Variants in PDILT observed in about 807,000 individuals in gnomAD.
PDILT encodes protein disulfide isomerase like, testis expressed, also known as protein disulfide-isomerase-like protein of the testis.
In PDILT, 43 loss-of-function variants were observed where a neutral mutation model predicts 53.7. That is an observed-to-expected ratio of 0.80 (90% CI 0.63 to 1.03). The LOEUF (loss-of-function observed/expected upper bound fraction) is 1.03. Among genes scored for constraint, PDILT ranks in the 50% least tolerant of loss-of-function variants. The pLI, the probability that PDILT is intolerant of heterozygous loss-of-function variation, is 0.00. For synonymous variants in PDILT, 282 were observed against 274.2 expected (o/e 1.03, Z -0.28); for missense variants, 727 against 712.3 (o/e 1.02, Z -0.24).
intron 8 of PDILT, 87 bp from the exon 9 acceptor site, chr16:20,365,627 G>A (rs138264106): frequency 2.7e-6 from 4 of 1,492,972 alleles, no homozygotes; most frequent in Admixed American, 2.0e-5. Flanking sequence ...AACCACTAAA[G>A]GTTTTCTCGT....
intron 2 of PDILT, among the ~76,000 whole-genome samples, chr16:20,387,869 G>A (rs998108315): frequency 6.6e-6 from 1 of 152,018 alleles, no homozygotes; most frequent in Non-Finnish European, 1.5e-5. Flanking sequence ...GGTGATCTGA[G>A]CTACTTTTTA....
rs770833228 is a variant in PDILT, at chr16:20,360,631, G to T, written c.1443C>A (p.Thr481=). The stretch of plus-strand genomic sequence containing the variant: ...CCAGGAAGTCAGAGAAGCCCTTCAG[G>T]GTGTGTTCTCCCTTATACAGGACAG... ...QQAVLYKGEH[T]LKGFSDFLES... is the part of the protein sequence containing the mutation. Residue 481 remains threonine, a synonymous_variant, in exon 11 of 12, where the codon ACC becomes ACA. Transcript: ENST00000302451. 8.1e-6 allele frequency: 13 copies of T among 1,613,796 alleles called. No homozygotes were observed. The African/African-American group carries it at 1.5e-4, about 18-fold the overall frequency.
intron 1 of PDILT, 109 bp downstream of exon 1, chr16:20,404,387 T>C (rs1211373011): frequency 2.6e-5 from 4 of 152,218 alleles, no homozygotes; most frequent in African/African-American, 9.6e-5. Context: ...TGTAGCCATC[T>C]ATACACCAAA....
intron 10 of PDILT, 116 bp from the exon 11 acceptor site, chr16:20,360,773 AG>A: frequency 1.4e-6 from 1 of 735,984 alleles, no homozygotes; most frequent in Non-Finnish European, 2.4e-6. Flanking sequence ...TATGTTATGC[AG>A]GTTCCCTAAC....
rs765889720 is a variant in PDILT, at chr16:20,365,435, C to T, written c.1222G>A (p.Val408Ile). 46 of 1,613,802 alleles carry T rather than the reference C, an allele frequency of 2.9e-5. 1 individual carries two copies. Among genetic ancestry groups the T allele is most frequent in the African/African-American group, 9.3e-5 (7 of 74,920 alleles). ...AGATACTTACAGAACATCACAAATA[C>T]GTCCTTTTCTTTGTCAAAGACGACT... Reference protein sequence around the residue: ...NVVVFDKEKDVFVMFYAPWSK... With the variant: ...NVVVFDKEKDIFVMFYAPWSK... Residue 408 changes from valine to isoleucine, a missense_variant, in exon 9 of 12, where the codon GTA becomes ATA. Physicochemically the swap from Val to Ile is conservative, Grantham distance 29. Transcript: ENST00000302451.
chr16:20,396,490 G>A lies in PDILT; in HGVS notation c.202+2609C>T, dbSNP rs568083970. On this transcript the variant is annotated intron_variant, in intron 2 of 11. Coordinates refer to ENST00000302451, the MANE Select transcript of PDILT (RefSeq NM_174924.2). ...TTGATTATCTATCACTGGGCATTAC[G>A]TGGAAGCCCAACAGATGCTGTCTCT... Among the ~76,000 whole-genome samples, 5 of 152,228 alleles carry A rather than the reference G, an allele frequency of 3.3e-5. No individual in the cohort carries two copies. The East Asian group carries it at 5.8e-4, about 18-fold the overall frequency.
chr16:20,399,056 C>G (rs917949557), intron 2 of PDILT, 43 bp downstream of exon 2: 2 of 1,609,370 alleles, frequency 1.2e-6, no homozygotes, highest in South Asian at 2.2e-5. Context: ...GGAGGCAGGC[C>G]TCATCCCATC....
chr16:20,367,037 T>TTCTTTTCTC (rs1966213070), intron 8 of PDILT, among the ~76,000 whole-genome samples: 5 of 20,856 alleles, frequency 2.4e-4, no homozygotes, highest in African/African-American at 9.1e-4. Flanking sequence ...CTTTCTTTCT[T>TTCTTTTCTC]TCTTTCTTTC....
At chr16:20,396,313 C>T (rs775317983) in intron 2 of PDILT, among the ~76,000 whole-genome samples, 1 of 152,198 alleles carries the variant, frequency 6.6e-6, no homozygotes, top group South Asian at 2.1e-4. Context: ...ATATGTTACA[C>T]CAAACCTTGA....
intron 2 of PDILT, chr16:20,386,139 C>A (rs891501895): frequency 6.6e-6 from 1 of 152,214 alleles, no homozygotes; most frequent in African/African-American, 2.4e-5. Flanking sequence ...ACGCCTTGGC[C>A]CCTCACGTTG....
chr16:20,370,432 A>G (rs1212952829), intron 7 of PDILT, among the ~76,000 whole-genome samples: 1 of 152,160 alleles, frequency 6.6e-6, no homozygotes, highest in African/African-American at 2.4e-5. Context: ...CAAGAGGAGA[A>G]CCTGAGGAGG....
At chr16:20,380,987 G>A (rs1000040458) in intron 3 of PDILT, among the ~76,000 whole-genome samples, 3 of 152,246 alleles carry the variant, frequency 2.0e-5, no homozygotes, top group African/African-American at 4.8e-5. Context: ...CTCTGTGCCA[G>A]AGGACACGGT....
At chr16:20,401,947 T>C (rs1269894828) in intron 1 of PDILT, among the ~76,000 whole-genome samples, 1 of 152,216 alleles carries the variant, frequency 6.6e-6, no homozygotes, top group Admixed American at 6.5e-5. Context: ...CAGTGATTCA[T>C]GTCCAACAGG....
At chr16:20,402,850 G>A (rs1218711869) in intron 1 of PDILT, among the ~76,000 whole-genome samples, 1 of 152,146 alleles carries the variant, frequency 6.6e-6, no homozygotes, top group Non-Finnish European at 1.5e-5. Context: ...CAGCCATCCT[G>A]CCTGCAGCCT....
chr16:20,359,454 G>A lies in PDILT; in HGVS notation c.1620C>T (p.Asn540=). The change falls in exon 12 of 12, where the codon AAC becomes AAT. Residue 540 remains asparagine, a synonymous_variant. Transcript: ENST00000302451. ...CCAGCTTGGATACGTACTTGGTCAT[G>A]TTCTCCAGCTCAGGCGACTGCTGTT... ...LPEQQSPELE[N]MTKYVSKLEE... 1 of 1,614,146 alleles carries A rather than the reference G, an allele frequency of 6.2e-7. No homozygotes were observed. The highest frequency in any genetic ancestry group is 8.5e-7 in the Non-Finnish European group (1 of 1,180,038).
intron 7 of PDILT, among the ~76,000 whole-genome samples, chr16:20,370,934 T>C (rs1326501105): frequency 1.3e-5 from 2 of 152,198 alleles, no homozygotes; most frequent in Non-Finnish European, 2.9e-5. Flanking sequence ...AATAATCCAC[T>C]CCTTGTTTAG....
rs1966122227 is a variant in PDILT, at chr16:20,362,589, GA to G, written c.1238-8del. 1.2e-6 allele frequency: 2 copies of G among 1,614,018 alleles called. No homozygotes were observed. Among genetic ancestry groups the G allele is most frequent in the Non-Finnish European group, 1.7e-6 (2 of 1,179,926 alleles). ...TTTTTAGACCAGGGTGCATCTGGAA[GA>G]GAAGGTCCATGGCTCAGGCTCACAT... On this transcript the variant is annotated splice_polypyrimidine_tract_variant and splice_region_variant and intron_variant, in intron 9 of 11. Transcript: ENST00000302451.
At chr16:20,387,588 A>G (rs1271050459) in intron 2 of PDILT, among the ~76,000 whole-genome samples, 1 of 151,948 alleles carries the variant, frequency 6.6e-6, no homozygotes, top group Non-Finnish European at 1.5e-5. Context: ...GCAGAGGTGG[A>G]GGTGATCTGA....
At chr16:20,391,904 A>G (rs1211113022) in intron 2 of PDILT, among the ~76,000 whole-genome samples, 1 of 151,640 alleles carries the variant, frequency 6.6e-6, no homozygotes, top group Non-Finnish European at 1.5e-5. Context: ...GATACTATGG[A>G]AGCTGCAAGT....
Sources: gnomAD v4.1 joint callset for allele counts (sites outside exome capture counted in the v4.1 genomes callset) on GRCh38, gnomAD v4.1.1 for gene constraint, MANE v1.5 for transcripts, NCBI Gene and HGNC (gene_info 2026-07-23, HGNC 2026-07-21) for gene names.